Variants in OSBPL9 observed in about 807,000 individuals in gnomAD.
OSBPL9 encodes the protein oxysterol binding protein like 9.
In OSBPL9, 40 loss-of-function variants were observed where a neutral mutation model predicts 106.6. The observed-to-expected ratio is 0.38, with a 90% confidence interval of 0.29 to 0.49. OSBPL9 has a LOEUF of 0.49. Ranked by LOEUF, OSBPL9 falls within the 20% of genes least tolerant of loss-of-function variation. The pLI is 0.97. For missense variants in OSBPL9, 609 were observed against 887.2 expected, an observed-to-expected ratio of 0.69 and a Z score of 3.98; for synonymous variants, 269 against 295.4, an observed-to-expected ratio of 0.91 and a Z score of 0.92.
Position 51,777,076 on chromosome 1 carries a change from C to CT in OSBPL9, c.1256+160dup, listed in dbSNP as rs569804869. ...TGTGTTTACACTGGTTGCCTGTTTG[C>CT]TTAAAGTTATATGGTGGCGATGTTA... On this transcript the variant is annotated intron_variant, in intron 15 of 23. Coordinates refer to ENST00000428468, the MANE Select transcript of OSBPL9 (RefSeq NM_024586.6). Among the ~76,000 whole-genome samples the CT allele has an allele frequency of 6.4e-3, 969 of 152,248 alleles. 7 individuals are homozygous for CT. The highest frequency in any genetic ancestry group is 0.011 in the Non-Finnish European group (758 of 68,024).
chr1:51,786,155 A>G (rs1320931728), intron 21 of OSBPL9: 2 of 483,914 alleles, frequency 4.1e-6, no homozygotes, highest in Admixed American at 4.0e-5. Context: ...TATATGTAAA[A>G]CAATGCCTGG....
In OSBPL9 at chr1:51,693,535, G is replaced by A. The variant is rs145493717; in HGVS notation, c.242-20468G>A. Among the ~76,000 whole-genome samples, 870 of 152,264 alleles carry A rather than the reference G, an allele frequency of 5.7e-3. 14 individuals carry two copies. The highest frequency in any genetic ancestry group is 0.02 in the African/African-American group (828 of 41,542). ...GATGCTTTGACAGAAGCATATAGGA[G>A]GCGTAGTAAGGCACACAGATCTTTC... On this transcript the variant is annotated intron_variant, in intron 3 of 23. Coordinates refer to ENST00000428468, the MANE Select transcript of OSBPL9 (RefSeq NM_024586.6).
chr1:51,518,736 G>C, the OSBPL9 span, among the ~76,000 whole-genome samples: 1 of 152,058 alleles, frequency 6.6e-6, no homozygotes, highest in Non-Finnish European at 1.5e-5. Flanking sequence ...AACTCCTACT[G>C]GGGGCGGCGC....
intron 9 of OSBPL9, chr1:51,760,234 A>C (rs1354245891): frequency 6.4e-6 from 1 of 156,270 alleles, no homozygotes; most frequent in Non-Finnish European, 1.4e-5. Flanking sequence ...ATACCTGAGG[A>C]GTGACTGTAC....
chr1:51,616,298 A>G (rs1215701913), upstream of OSBPL9, among the ~76,000 whole-genome samples: 2 of 151,994 alleles, frequency 1.3e-5, no homozygotes, highest in Admixed American at 1.3e-4. Flanking sequence ...AAATGCTTAA[A>G]TTGCCCCTGT....
Position 51,787,351 on chromosome 1 carries a change from A to G in OSBPL9, c.2001-2A>G. 6.2e-7 allele frequency: 1 copy of G among 1,613,748 alleles called. No individual in the cohort carries two copies. The highest frequency in any genetic ancestry group is 8.5e-7 in the Non-Finnish European group (1 of 1,179,714). The stretch of plus-strand genomic sequence containing the variant: ...GCAGCTCCTCTTACCTCTTTGTTTT[A>G]GCCTTTGGAAGGATGTCACTTTCAA... On this transcript the variant is annotated splice_acceptor_variant, in intron 22 of 23. Coordinates refer to ENST00000428468, the MANE Select transcript of OSBPL9 (RefSeq NM_024586.6). LOFTEE classifies it high-confidence loss of function.
chr1:51,621,850 C>T (rs1480318808), intron 1 of OSBPL9, among the ~76,000 whole-genome samples: 1 of 152,066 alleles, frequency 6.6e-6, no homozygotes, highest in African/African-American at 2.4e-5. Context: ...TTCCTTTGTC[C>T]TCTGTATTTC....
At chr1:51,705,939 CA>C (rs1367942508) in intron 3 of OSBPL9, among the ~76,000 whole-genome samples, 1 of 152,146 alleles carries the variant, frequency 6.6e-6, no homozygotes, top group Non-Finnish European at 1.5e-5. Context: ...AAGAGTCATG[CA>C]TCAGTATATA....
At chr1:51,544,604 G>C in the OSBPL9 span, among the ~76,000 whole-genome samples, 1 of 151,228 alleles carries the variant, frequency 6.6e-6, no homozygotes, top group Non-Finnish European at 1.5e-5. Flanking sequence ...TGAAGTTAAG[G>C]GCTACCACCA....
At chr1:51,730,126 TGAGTAG>T in intron 4 of OSBPL9, 1 of 1,247,386 alleles carries the variant, frequency 8.0e-7, no homozygotes, top group Non-Finnish European at 1.0e-6. Flanking sequence ...CCCCCTGGGG[TGAGTAG>T]GACGACGTGG....
chr1:51,576,058 T>A (rs1352157395), upstream of OSBPL9, among the ~76,000 whole-genome samples: 1 of 152,244 alleles, frequency 6.6e-6, no homozygotes, highest in Non-Finnish European at 1.5e-5. Flanking sequence ...AGGTCTTCAT[T>A]TCCTTAGGAG....
intron 1 of OSBPL9, among the ~76,000 whole-genome samples, chr1:51,593,886 CAAAT>C (rs565076196): frequency 2.3e-3 from 339 of 148,124 alleles, no homozygotes; most frequent in Admixed American, 4.4e-3. Context: ...ACTGCACCCT[CAAAT>C]AATTAATCAG....
At chr1:51,572,961 C>T (rs1645159484), upstream of OSBPL9, among the ~76,000 whole-genome samples, 1 of 152,028 alleles carries the variant, frequency 6.6e-6, no homozygotes, top group African/African-American at 2.4e-5. Context: ...CCTGTAATCC[C>T]AGCAATGCGG....
At chr1:51,652,369 A>G (rs1646570931) in intron 2 of OSBPL9, among the ~76,000 whole-genome samples, 1 of 152,208 alleles carries the variant, frequency 6.6e-6, no homozygotes, top group African/African-American at 2.4e-5. Context: ...AACAGTAGAA[A>G]AAATGGAAAA....
At chr1:51,662,776 G>T (rs192289283) in intron 2 of OSBPL9, among the ~76,000 whole-genome samples, 2 of 133,426 alleles carry the variant, frequency 1.5e-5, no homozygotes, top group African/African-American at 3.0e-5. Context: ...ACAGAGTCTC[G>T]CTCTGTCGCC....
chr1:51,713,520 A>G (rs1015986034), intron 3 of OSBPL9, among the ~76,000 whole-genome samples: 1 of 152,306 alleles, frequency 6.6e-6, no homozygotes, highest in East Asian at 1.9e-4. Context: ...TAGAGTTCTC[A>G]TATACCAGCT....
chr1:51,731,479 G>T (rs1262035263), intron 4 of OSBPL9, among the ~76,000 whole-genome samples: 4 of 151,600 alleles, frequency 2.6e-5, no homozygotes, highest in East Asian at 1.9e-4. Context: ...AAACAAAAAG[G>T]CGGGCGCAGT....
chr1:51,532,831 G>A, the OSBPL9 span, among the ~76,000 whole-genome samples: 3 of 152,138 alleles, frequency 2.0e-5, no homozygotes, highest in African/African-American at 7.2e-5. Flanking sequence ...ATGGTGAAGA[G>A]ATATTAGGAT....
chr1:51,711,507 G>A (rs1659894053), intron 3 of OSBPL9, among the ~76,000 whole-genome samples: 2 of 135,892 alleles, frequency 1.5e-5, no homozygotes, highest in Admixed American at 7.1e-5. Flanking sequence ...TGGCCGGGCG[G>A]GGGGCTGACC....
Sources: gnomAD v4.1 joint callset for allele counts (sites outside exome capture counted in the v4.1 genomes callset) on GRCh38, gnomAD v4.1.1 for gene constraint, MANE v1.5 for transcripts, NCBI Gene and HGNC (gene_info 2026-07-23, HGNC 2026-07-21) for gene names.